WDR86: variants seen among roughly 807,000 people sequenced by gnomAD.
The protein encoded by WDR86 is WD repeat-containing protein 86.
In WDR86, 30 loss-of-function variants were observed where a neutral mutation model predicts 36.5. That is an observed-to-expected ratio of 0.82 (90% CI 0.61 to 1.11). The LOEUF is 1.11. Among genes scored for constraint, WDR86 ranks in the 50% most tolerant of loss-of-function variants. WDR86 has a pLI of 0.00. For synonymous variants in WDR86, 255 were observed against 252.9 expected, an observed-to-expected ratio of 1.01 and a Z score of -0.08; for missense variants, 545 against 561.2, an observed-to-expected ratio of 0.97 and a Z score of 0.29.
At chr7:151,369,629 T>A in the WDR86 span, among the ~76,000 whole-genome samples, 4 of 152,236 alleles carry the variant, frequency 2.6e-5, no homozygotes, top group Non-Finnish European at 5.9e-5. Context: ...AGCATCCTTA[T>A]TCTATCCAAT....
Position 151,396,124 on chromosome 7 carries a change from C to T in WDR86, c.378G>A (p.Lys126=), listed in dbSNP as rs773917055. 1 of 1,612,814 alleles carries T rather than the reference C, an allele frequency of 6.2e-7. No homozygotes were observed. Among genetic ancestry groups the T allele is most frequent in the Non-Finnish European group, 8.5e-7 (1 of 1,179,894 alleles). ...CCCGGAACTCCCGGGACATCTGCCC[C>T]TTGTCCACACTCCAGACCCGAGCTG... ...DRTARVWSVD[K]GQMSREFRGH... is the part of the protein sequence containing the mutation. Residue 126 remains lysine (K), a synonymous_variant, in exon 3 of 6, where the codon AAG becomes AAA. Coordinates refer to ENST00000334493, the MANE Select transcript of WDR86 (RefSeq NM_198285.3).
At chr7:151,391,925 C>T (rs1799468921) in intron 3 of WDR86, among the ~76,000 whole-genome samples, 1 of 152,162 alleles carries the variant, frequency 6.6e-6, no homozygotes. Flanking sequence ...ACCTCAGCCA[C>T]CAGGCCTTCC....
downstream of WDR86, chr7:151,376,607 T>C (rs1798277285): frequency 1.9e-6 from 3 of 1,574,578 alleles, no homozygotes; most frequent in Admixed American, 1.8e-5. Flanking sequence ...CAGGGGCTGA[T>C]GCTGTGACCC....
intron 1 of WDR86, among the ~76,000 whole-genome samples, chr7:151,404,358 T>C (rs1001401554): frequency 2.0e-5 from 3 of 152,218 alleles, no homozygotes; most frequent in Non-Finnish European, 4.4e-5. Flanking sequence ...GACAGGCCTC[T>C]TCCCCTGGGT....
chr7:151,408,907 A>G (rs1301581486), intron 1 of WDR86: 3 of 471,254 alleles, frequency 6.4e-6, no homozygotes, highest in Admixed American at 4.7e-5. Flanking sequence ...GCCTGTTTCC[A>G]CGTCTGTATG....
Position 151,401,006 on chromosome 7 carries a change from G to T in WDR86, c.164-765C>A, listed in dbSNP as rs1327325744. Among the ~76,000 whole-genome samples, 1 of 152,204 alleles carries T rather than the reference G, an allele frequency of 6.6e-6. No individual in the cohort carries two copies. Among genetic ancestry groups the T allele is most frequent in the Non-Finnish European group, 1.5e-5 (1 of 68,050 alleles). On this transcript the variant is annotated intron_variant, in intron 1 of 5. Transcript: ENST00000334493. This position sits in a 1 kb window ranked among gnomAD's most constrained non-coding sequence, Gnocchi z 4.3. ...GATTTAAGATGCCAGTGAGACATGT[G>T]ACGTATGAACAGGGATGCACAGCCA... is the stretch of plus-strand genomic sequence containing the variant.
downstream of WDR86, chr7:151,378,573 T>A (rs1347171186): frequency 6.6e-6 from 1 of 152,196 alleles, no homozygotes; most frequent in Non-Finnish European, 1.5e-5. Flanking sequence ...TGTGAGGAGA[T>A]GATGGAAGGA....
exon 2 of WDR86, chr7:151,376,014 A>C: frequency 1.1e-6 from 1 of 946,282 alleles, no homozygotes; most frequent in Non-Finnish European, 1.7e-6. Context: ...ACCCGGGTGA[A>C]TCAGGCAGCA....
At chr7:151,410,356 C>G (rs368229199), upstream of WDR86, among the ~76,000 whole-genome samples, 1 of 152,206 alleles carries the variant, frequency 6.6e-6, no homozygotes, top group African/African-American at 2.4e-5. Flanking sequence ...GACCCCTCGG[C>G]TACTCGCCTC....
Position 151,381,976 on chromosome 7 carries a change from T to C in WDR86, c.868A>G (p.Thr290Ala). 2 of 1,601,660 alleles carry C rather than the reference T, an allele frequency of 1.2e-6. No homozygotes were observed. Among genetic ancestry groups the C allele is most frequent in the Non-Finnish European group, 1.7e-6 (2 of 1,175,096 alleles). The change falls in exon 5 of 6, where the codon ACG (threonine) becomes GCG (alanine). Residue 290 changes from threonine (T) to alanine (A), a missense_variant. By Grantham distance (58) the Thr-to-Ala change is moderately conservative. Transcript: ENST00000334493. This position sits in a 1 kb window ranked among gnomAD's most constrained non-coding sequence, Gnocchi z 4.8. ...CGGGCGCAAGCGTCCCCGCTGCCCG[T>C]GAACACTGCGGACACACAGCGCGCG... The part of the protein sequence containing the change: ...ALKYHAGTLF[T>A]GSGDACARAF...
downstream of WDR86, among the ~76,000 whole-genome samples, chr7:151,379,422 C>T (rs1484289097): frequency 6.6e-6 from 1 of 152,144 alleles, no homozygotes; most frequent in Non-Finnish European, 1.5e-5. Flanking sequence ...TAGCTCCTGT[C>T]CTTCCTCCCT....
intron 3 of WDR86, 109 bp from the exon 4 acceptor site, chr7:151,385,332 A>G: frequency 2.0e-6 from 3 of 1,521,862 alleles, no homozygotes; most frequent in Non-Finnish European, 1.8e-6. Flanking sequence ...TGGTGAAACC[A>G]TGGGTGAGCC....
chr7:151,389,520 G>A (rs1426201626), intron 3 of WDR86, among the ~76,000 whole-genome samples: 3 of 152,208 alleles, frequency 2.0e-5, no homozygotes, highest in Non-Finnish European at 2.9e-5. Flanking sequence ...CTTGGCTCTT[G>A]ACTTGCAAGC....
At chr7:151,397,312 C>T (rs1799894309) in intron 2 of WDR86, among the ~76,000 whole-genome samples, 1 of 152,260 alleles carries the variant, frequency 6.6e-6, no homozygotes, top group African/African-American at 2.4e-5. Context: ...CAACAGCATT[C>T]CTCACTTCCC....
downstream of WDR86, chr7:151,376,799 T>C (rs1236851616): frequency 8.8e-6 from 14 of 1,585,098 alleles, no homozygotes; most frequent in Non-Finnish European, 1.2e-5. Context: ...CACGTCCCCT[T>C]CTGACTCCGC....
At chr7:151,384,811 C>T (rs1023884008) in intron 4 of WDR86, among the ~76,000 whole-genome samples, 5 of 152,246 alleles carry the variant, frequency 3.3e-5, no homozygotes, top group African/African-American at 9.6e-5. Context: ...AATTAGGATA[C>T]ACCCTTTGGG....
downstream of WDR86, chr7:151,377,138 TGACTC>T: frequency 6.3e-7 from 1 of 1,589,770 alleles, no homozygotes; most frequent in Non-Finnish European, 8.6e-7. Context: ...AAGACTATCT[TGACTC>T]AACTCTGGAA....
intron 2 of WDR86, among the ~76,000 whole-genome samples, chr7:151,398,861 C>A (rs1053061044): frequency 2.6e-5 from 4 of 152,184 alleles, no homozygotes; most frequent in African/African-American, 4.8e-5. Flanking sequence ...TGCAGGCAGG[C>A]CTTCTCCCCG....
chr7:151,393,039 T>C (rs1799547566), intron 3 of WDR86, among the ~76,000 whole-genome samples: 1 of 152,186 alleles, frequency 6.6e-6, no homozygotes, highest in South Asian at 2.1e-4. Flanking sequence ...TCAAATTGCT[T>C]TGTGGGACTG....
Sources: gnomAD v4.1 joint callset for allele counts (sites outside exome capture counted in the v4.1 genomes callset) on GRCh38, gnomAD v4.1.1 for gene constraint, Gnocchi (gnomAD v3.1) non-coding constraint, MANE v1.5 for transcripts, NCBI Gene and HGNC (gene_info 2026-07-23, HGNC 2026-07-21) for gene names.